DRC8: variants seen among roughly 807,000 people sequenced by gnomAD.
The protein encoded by DRC8 is dynein regulatory complex protein 8.
chr1:245,097,527 A>G, the DRC8 span, among the ~76,000 whole-genome samples: 112,012 of 149,944 alleles, frequency 0.75, 44,786 homozygotes, highest in East Asian at 0.87. This position sits in a 1 kb window ranked among gnomAD's most constrained non-coding sequence, Gnocchi z 5.0. Flanking sequence ...CAAAAAAAAA[A>G]AAAGAAAGAA....
the DRC8 span, among the ~76,000 whole-genome samples, chr1:244,972,490 C>A: frequency 6.6e-6 from 1 of 152,200 alleles, no homozygotes; most frequent in Non-Finnish European, 1.5e-5. Flanking sequence ...AATCAGTCTT[C>A]ATTTTAACAT....
the DRC8 span, among the ~76,000 whole-genome samples, chr1:245,110,503 C>G: frequency 5.3e-4 from 81 of 152,334 alleles, 1 homozygote; most frequent in East Asian, 0.015. Context: ...AAGACAGGAC[C>G]TAGTTTTGAC....
At chr1:244,989,296 GTCCTTTTCTGC>G in the DRC8 span, among the ~76,000 whole-genome samples, 1 of 152,100 alleles carries the variant, frequency 6.6e-6, no homozygotes, top group Non-Finnish European at 1.5e-5. Flanking sequence ...TTTACCTAAT[GTCCTTTTCTGC>G]TCCGGAGTCC....
chr1:245,021,679 G>C, the DRC8 span, among the ~76,000 whole-genome samples: 1 of 151,626 alleles, frequency 6.6e-6, no homozygotes, highest in Non-Finnish European at 1.5e-5. Flanking sequence ...CAAGTCATCC[G>C]CCTGCCTCAG....
the DRC8 span, among the ~76,000 whole-genome samples, chr1:244,976,831 T>C: frequency 1.3e-5 from 2 of 152,172 alleles, no homozygotes; most frequent in South Asian, 2.1e-4. Flanking sequence ...CGAAGAGATA[T>C]TTGCACAACC....
the DRC8 span, among the ~76,000 whole-genome samples, chr1:245,094,927 A>C: frequency 1.3e-5 from 2 of 152,214 alleles, no homozygotes; most frequent in Non-Finnish European, 2.9e-5. Context: ...ACTTCTTTAG[A>C]ATAATATCAC....
At chr1:244,993,326 ACTCT>A in the DRC8 span, among the ~76,000 whole-genome samples, 2 of 151,938 alleles carry the variant, frequency 1.3e-5, no homozygotes, top group African/African-American at 4.8e-5. Context: ...GAATGCACTC[ACTCT>A]CTCCAAAGGC....
At chr1:245,094,484 G>A in the DRC8 span, among the ~76,000 whole-genome samples, 17 of 152,276 alleles carry the variant, frequency 1.1e-4, no homozygotes, top group African/African-American at 1.7e-4. Flanking sequence ...AAGGCTCCCC[G>A]AGCTTCCTTC....
chr1:245,057,398 A>G, the DRC8 span, among the ~76,000 whole-genome samples: 1 of 152,188 alleles, frequency 6.6e-6, no homozygotes, highest in African/African-American at 2.4e-5. Context: ...ATTTAACCCA[A>G]TGTGTCTAAA....
chr1:245,005,821 A>C, the DRC8 span, among the ~76,000 whole-genome samples: 1 of 152,342 alleles, frequency 6.6e-6, no homozygotes, highest in South Asian at 2.1e-4. Context: ...AAAAAAGAGA[A>C]GGGAAGCCTT....
the DRC8 span, among the ~76,000 whole-genome samples, chr1:245,119,657 G>T: frequency 1.3e-5 from 2 of 150,124 alleles, no homozygotes; most frequent in South Asian, 2.1e-4. Context: ...AAGGAGGCTG[G>T]GCACGGTGGC....
chr1:245,109,649 T>A, the DRC8 span, among the ~76,000 whole-genome samples: 15 of 152,230 alleles, frequency 9.9e-5, no homozygotes, highest in Non-Finnish European at 1.9e-4. Flanking sequence ...ACCCCTATAA[T>A]AGCATATGAG....
At chr1:245,019,801 A>C in the DRC8 span, among the ~76,000 whole-genome samples, 3 of 152,128 alleles carry the variant, frequency 2.0e-5, no homozygotes, top group African/African-American at 4.8e-5. Context: ...ACTAAAAACT[A>C]AAAAATAAAA....
chr1:245,056,423 G>A, the DRC8 span, among the ~76,000 whole-genome samples: 5 of 152,170 alleles, frequency 3.3e-5, no homozygotes, highest in Non-Finnish European at 5.9e-5. Flanking sequence ...AGCCTCCTGA[G>A]TAGCTGGGAG....
chr1:244,997,152 C>T, the DRC8 span, among the ~76,000 whole-genome samples: 14 of 152,228 alleles, frequency 9.2e-5, no homozygotes, highest in Admixed American at 5.9e-4. Context: ...CAGTTGAATC[C>T]ATGGGTGTAC....
chr1:244,987,344 G>A, the DRC8 span, among the ~76,000 whole-genome samples: 3 of 152,048 alleles, frequency 2.0e-5, no homozygotes, highest in East Asian at 5.8e-4. Context: ...GAGATTACAG[G>A]CGTGCATCAC....
chr1:245,055,085 C>CT, the DRC8 span, among the ~76,000 whole-genome samples: 3 of 152,220 alleles, frequency 2.0e-5, no homozygotes, highest in Admixed American at 2.0e-4. Context: ...ATATCTACTG[C>CT]TTTTATAGCA....
chr1:244,970,003 G>A, the DRC8 span: 1 of 541,884 alleles, frequency 1.8e-6, no homozygotes, highest in Non-Finnish European at 3.3e-6. Context: ...CAAAAATCGA[G>A]CAACGCCACG....
chr1:245,050,993 A>G, the DRC8 span, among the ~76,000 whole-genome samples: 3 of 151,984 alleles, frequency 2.0e-5, no homozygotes, highest in Non-Finnish European at 2.9e-5. Context: ...TCCTCCCCCA[A>G]GTAGCTGGGA....
Sources: allele counts gnomAD v4.1 joint callset (sites outside exome capture counted in the v4.1 genomes callset), GRCh38; gene constraint gnomAD v4.1.1; non-coding constraint Gnocchi (gnomAD v3.1); transcripts MANE v1.5; gene names NCBI Gene and HGNC (gene_info 2026-07-23, HGNC 2026-07-21).